The following WDR27 variants were observed in gnomAD, a reference collection of about 807,000 sequenced individuals.
WDR27 encodes the protein WD repeat-containing protein 27.
WDR27 carries 100 observed loss-of-function variants against 114.4 expected under a neutral mutation model. That is an observed-to-expected ratio of 0.87 (90% CI 0.74 to 1.03). WDR27 has a LOEUF of 1.03. WDR27 is among the 50% of genes least tolerant of loss of function. WDR27 has a pLI of 0.00. For missense variants in WDR27, 1,129 were observed against 1,092.9 expected, an observed-to-expected ratio of 1.03 and a Z score of -0.47; for synonymous variants, 449 against 423.1, an observed-to-expected ratio of 1.06 and a Z score of -0.75.
At chr6:169,555,247 C>T (rs1380097807) in intron 25 of WDR27, among the ~76,000 whole-genome samples, 3 of 152,114 alleles carry the variant, frequency 2.0e-5, no homozygotes, top group Non-Finnish European at 4.4e-5. Context: ...CAGGGGATGT[C>T]TCAGAGAGGA....
intron 25 of WDR27, among the ~76,000 whole-genome samples, chr6:169,534,730 T>C (rs920395699): frequency 6.6e-6 from 1 of 151,894 alleles, no homozygotes; most frequent in African/African-American, 2.4e-5. Flanking sequence ...AAGTTGGTGG[T>C]AATGGTCTCT....
At chr6:169,456,979 A>G (rs1239117989), downstream of WDR27, among the ~76,000 whole-genome samples, 1 of 149,040 alleles carries the variant, frequency 6.7e-6, no homozygotes, top group Non-Finnish European at 1.5e-5. This position sits in a 1 kb window ranked among gnomAD's most constrained non-coding sequence, Gnocchi z 4.0. Flanking sequence ...GTCAGAGACC[A>G]TGCTCGGCAC....
At chr6:169,621,219 TAC>T (rs1189567153) in intron 21 of WDR27, among the ~76,000 whole-genome samples, 7 of 151,914 alleles carry the variant, frequency 4.6e-5, no homozygotes, top group Admixed American at 3.3e-4. Context: ...CATATGCATA[TAC>T]ACACACATGC....
chr6:169,662,473 G>A (rs748937070), intron 8 of WDR27, 49 bp from the exon 9 acceptor site: 19 of 1,599,440 alleles, frequency 1.2e-5, no homozygotes, highest in Admixed American at 6.8e-5. Flanking sequence ...AAATGCATCC[G>A]TCAAGTTTAA....
intron 25 of WDR27, among the ~76,000 whole-genome samples, chr6:169,475,436 T>G (rs367642124): frequency 1.2e-4 from 18 of 152,278 alleles, no homozygotes; most frequent in African/African-American, 4.3e-4. Context: ...TTGGCCAGGC[T>G]GATCTCAAAC....
At chr6:169,515,159 G>T (rs925683633) in intron 25 of WDR27, among the ~76,000 whole-genome samples, 1 of 152,026 alleles carries the variant, frequency 6.6e-6, no homozygotes, top group Non-Finnish European at 1.5e-5. Context: ...ATTTACTAAA[G>T]CTGAAAATAC....
At chr6:169,582,999 C>A in intron 23 of WDR27, 65 bp from the exon 24 acceptor site, 1 of 1,418,136 alleles carries the variant, frequency 7.1e-7, no homozygotes, top group Non-Finnish European at 9.9e-7. Context: ...GTAAGCTAGG[C>A]AGAGCAGAGG....
intron 25 of WDR27, among the ~76,000 whole-genome samples, chr6:169,557,062 C>T (rs575404388): frequency 4.0e-4 from 61 of 152,196 alleles, no homozygotes; most frequent in African/African-American, 1.2e-3. Context: ...GCAAGAGAAA[C>T]GAGAACATGT....
At chr6:169,426,531 A>G in the WDR27 span, 1 of 152,154 alleles carries the variant, frequency 6.6e-6, no homozygotes, top group Non-Finnish European at 1.5e-5. Context: ...TTGATATCTG[A>G]GCTATTAAAA....
At chr6:169,431,018 G>A in the WDR27 span, among the ~76,000 whole-genome samples, 1 of 152,150 alleles carries the variant, frequency 6.6e-6, no homozygotes, top group Non-Finnish European at 1.5e-5. Flanking sequence ...TCTGTCTGCT[G>A]AATGACTTGC....
In WDR27 at chr6:169,659,220, G is replaced by T. The variant is rs1233010185; in HGVS notation, c.1198-13C>A. ...GCAAGCACAGCACCTGCAGGGACGC[G>T]GTTTCAACATCGTTAGCGACACCAC... is the stretch of plus-strand genomic sequence containing the variant. On this transcript the variant is annotated splice_polypyrimidine_tract_variant and intron_variant, in intron 11 of 25. Transcript: ENST00000448612. This position sits in a 1 kb window ranked among gnomAD's most constrained non-coding sequence, Gnocchi z 4.3. 30 of 1,583,652 alleles carry T rather than the reference G, an allele frequency of 1.9e-5. No homozygotes were observed. Among genetic ancestry groups the T allele is most frequent in the Admixed American group, 5.6e-5 (3 of 53,724 alleles).
intron 25 of WDR27, among the ~76,000 whole-genome samples, chr6:169,554,206 C>G (rs1798562828): frequency 6.6e-6 from 1 of 152,172 alleles, no homozygotes; most frequent in Non-Finnish European, 1.5e-5. Context: ...AGTTCATGCC[C>G]AGTTCATGCC....
At chr6:169,469,828 G>A (rs1293881445) in intron 25 of WDR27, among the ~76,000 whole-genome samples, 1 of 152,144 alleles carries the variant, frequency 6.6e-6, no homozygotes, top group Non-Finnish European at 1.5e-5. Context: ...TCTATTCCCA[G>A]CATCTGCTGA....
At chr6:169,555,386 G>T (rs975481259) in intron 25 of WDR27, among the ~76,000 whole-genome samples, 4 of 152,048 alleles carry the variant, frequency 2.6e-5, no homozygotes, top group Admixed American at 1.3e-4. Flanking sequence ...AGGGCTCTGG[G>T]GACCAGTGCA....
intron 24 of WDR27, among the ~76,000 whole-genome samples, chr6:169,575,174 G>A (rs1381648595): frequency 6.6e-6 from 1 of 152,036 alleles, no homozygotes; most frequent in East Asian, 1.9e-4. Context: ...AACTGCATGA[G>A]CCAATTCACA....
At chr6:169,470,751 G>T (rs893961081) in intron 25 of WDR27, among the ~76,000 whole-genome samples, 3 of 152,124 alleles carry the variant, frequency 2.0e-5, no homozygotes, top group Admixed American at 2.0e-4. Context: ...CCTCCTAAAA[G>T]CCCTATCTCC....
At chr6:169,527,563 A>G (rs1795098054) in intron 25 of WDR27, among the ~76,000 whole-genome samples, 1 of 152,244 alleles carries the variant, frequency 6.6e-6, no homozygotes, top group African/African-American at 2.4e-5. Flanking sequence ...ATGGTTGCAC[A>G]ATATATGAAT....
chr6:169,701,166 T>A (rs1313695581), intron 1 of WDR27, among the ~76,000 whole-genome samples: 1 of 152,180 alleles, frequency 6.6e-6, no homozygotes, highest in Non-Finnish European at 1.5e-5. Flanking sequence ...AGATGAAAAC[T>A]CTACTACTCG....
At chr6:169,627,149 T>G (rs899951311) in intron 21 of WDR27, among the ~76,000 whole-genome samples, 2 of 152,238 alleles carry the variant, frequency 1.3e-5, no homozygotes, top group Admixed American at 1.3e-4. Context: ...TGCTGATTTC[T>G]AACATATATT....
Sources: gnomAD v4.1 joint callset for allele counts (sites outside exome capture counted in the v4.1 genomes callset) on GRCh38, gnomAD v4.1.1 for gene constraint, Gnocchi (gnomAD v3.1) non-coding constraint, MANE v1.5 for transcripts, NCBI Gene and HGNC (gene_info 2026-07-23, HGNC 2026-07-21) for gene names.